The following CSMD3 variants were observed in gnomAD, a reference collection of about 807,000 sequenced individuals.
CSMD3 encodes the protein CUB and sushi domain-containing protein 3.
A neutral mutation model predicts 435.2 loss-of-function variants in CSMD3; 177 were observed. The observed-to-expected ratio is 0.41, with a 90% CI of 0.36 to 0.46. The LOEUF (loss-of-function observed/expected upper bound fraction) is 0.46. Among genes scored for constraint, CSMD3 ranks in the 20% least tolerant of loss-of-function variants. The pLI, the probability that CSMD3 is intolerant of heterozygous loss-of-function variation, is 0.34. For missense variants in CSMD3, 4,265 were observed against 4,504.6 expected, an observed-to-expected ratio of 0.95 and a Z score of 1.52; for synonymous variants, 1,656 against 1,520.5, an observed-to-expected ratio of 1.09 and a Z score of -2.07.
chr8:112,957,777 G>A (rs576305541), intron 7 of CSMD3, among the ~76,000 whole-genome samples: 1 of 151,690 alleles, frequency 6.6e-6, no homozygotes, highest in Non-Finnish European at 1.5e-5. Flanking sequence ...ACGGAGTCTC[G>A]CTCAGTCGCC....
chr8:113,203,537 G>C (rs934282569), intron 3 of CSMD3, among the ~76,000 whole-genome samples: 1 of 151,694 alleles, frequency 6.6e-6, no homozygotes, highest in African/African-American at 2.4e-5. Context: ...CTTCCAAAGT[G>C]TGTGAGTCAC....
chr8:112,353,427 T>C (rs951180811), intron 38 of CSMD3, among the ~76,000 whole-genome samples: 13 of 152,126 alleles, frequency 8.5e-5, no homozygotes, highest in African/African-American at 1.9e-4. Context: ...TGGTGTCTCA[T>C]TGAGACCTGA....
intron 13 of CSMD3, among the ~76,000 whole-genome samples, chr8:112,798,327 T>A (rs2078876353): frequency 6.6e-6 from 1 of 151,708 alleles, no homozygotes; most frequent in Non-Finnish European, 1.5e-5. Context: ...GAGGAAATGA[T>A]GTATGGAGAT....
chr8:112,812,843 C>G (rs2079265280), intron 12 of CSMD3, among the ~76,000 whole-genome samples: 1 of 151,946 alleles, frequency 6.6e-6, no homozygotes, highest in Non-Finnish European at 1.5e-5. Flanking sequence ...AGATAAAGTC[C>G]TAAATAGGTG....
intron 1 of CSMD3, among the ~76,000 whole-genome samples, chr8:113,332,006 G>T (rs2094031452): frequency 6.6e-6 from 1 of 151,676 alleles, no homozygotes; most frequent in Non-Finnish European, 1.5e-5. Context: ...CTGACGGCAG[G>T]ATCTTATATA....
chr8:112,815,135 G>A (rs911852413), intron 12 of CSMD3, among the ~76,000 whole-genome samples: 2 of 151,916 alleles, frequency 1.3e-5, no homozygotes, highest in Admixed American at 6.6e-5. Context: ...ACAGTAGAGT[G>A]ACAGTTCAGA....
rs559503489 is a variant in CSMD3 at position 112,404,200 on chromosome 8, A to AT, written c.5809+2323_5809+2324insA. ...ATGTCCTGATTTAAATGGTAAAAAA[A>AT]ATATATTTTACTTAAAGCAAATATA... On this transcript the variant is annotated intron_variant, in intron 35 of 70. Coordinates refer to ENST00000297405, the MANE Select transcript of CSMD3 (RefSeq NM_198123.2). Among the ~76,000 whole-genome samples, 220 of 152,274 alleles carry AT rather than the reference A, an allele frequency of 1.4e-3. 1 individual carries two copies. The highest frequency in any genetic ancestry group is 3.4e-3 in the Middle Eastern group (1 of 294).
intron 9 of CSMD3, among the ~76,000 whole-genome samples, chr8:112,942,442 G>A (rs991935374): frequency 6.6e-6 from 1 of 151,698 alleles, no homozygotes; most frequent in African/African-American, 2.4e-5. Flanking sequence ...ACTCACAATA[G>A]CAAAGACATG....
intron 10 of CSMD3, among the ~76,000 whole-genome samples, chr8:112,897,713 TG>T (rs2081992042): frequency 6.6e-6 from 1 of 150,508 alleles, no homozygotes; most frequent in Non-Finnish European, 1.5e-5. Context: ...TGTGTGTGTG[TG>T]TGTGTGTGTG....
At chr8:112,575,493 T>G (rs1242915952) in intron 23 of CSMD3, among the ~76,000 whole-genome samples, 1 of 152,078 alleles carries the variant, frequency 6.6e-6, no homozygotes, top group Non-Finnish European at 1.5e-5. Flanking sequence ...TTTTAAAAAA[T>G]GTACATTCAC....
chr8:113,295,756 A>G (rs2093716314), intron 2 of CSMD3, among the ~76,000 whole-genome samples: 1 of 152,174 alleles, frequency 6.6e-6, no homozygotes, highest in South Asian at 2.1e-4. Flanking sequence ...TCAGATATCT[A>G]GAACTAGAAA....
chr8:112,800,416 A>G lies in CSMD3; in HGVS notation c.1860-142T>C, dbSNP rs1484082076. On this transcript the variant is annotated intron_variant, in intron 12 of 70. Coordinates refer to ENST00000297405, the MANE Select transcript of CSMD3 (RefSeq NM_198123.2). ...ACATAGAGGAGTATGTGTTGATGTG[A>G]CAGAAGAAAAAACTACACAATTTAG... is the stretch of plus-strand genomic sequence containing the variant. 4.4e-6 allele frequency: 3 copies of G among 679,182 alleles called. No homozygotes were observed. In the East Asian group the frequency reaches 8.1e-5, roughly 18 times the overall value. The allele number at this position is 679,182 out of a possible 1,614,324, so 42.1% of individuals were successfully genotyped here.
intron 3 of CSMD3, among the ~76,000 whole-genome samples, chr8:113,194,788 C>A (rs986812277): frequency 6.6e-6 from 1 of 151,122 alleles, no homozygotes; most frequent in South Asian, 2.1e-4. Context: ...TTTTAATAGG[C>A]CTCCATAATC....
chr8:112,730,575 C>T (rs753066313), intron 13 of CSMD3, among the ~76,000 whole-genome samples: 1 of 151,962 alleles, frequency 6.6e-6, no homozygotes, highest in Non-Finnish European at 1.5e-5. Flanking sequence ...AAAAATCTTC[C>T]TAGCATTAAT....
At chr8:112,539,263 T>C (rs1826435174) in intron 27 of CSMD3, 1 of 152,516 alleles carries the variant, frequency 6.6e-6, no homozygotes, top group Non-Finnish European at 1.5e-5. Flanking sequence ...CTATCATTAA[T>C]CCGGGTGATT....
chr8:113,095,388 T>C (rs2090132986), intron 5 of CSMD3, among the ~76,000 whole-genome samples: 1 of 152,198 alleles, frequency 6.6e-6, no homozygotes, highest in Non-Finnish European at 1.5e-5. Flanking sequence ...TTATAGTAAT[T>C]GCCTATAATA....
intron 10 of CSMD3, among the ~76,000 whole-genome samples, chr8:112,906,744 A>G (rs2082274522): frequency 6.6e-6 from 1 of 151,500 alleles, no homozygotes; most frequent in African/African-American, 2.4e-5. Context: ...TATTCCAATA[A>G]CTTTAAAAAG....
chr8:112,736,809 C>G (rs991896152), intron 13 of CSMD3, among the ~76,000 whole-genome samples: 1 of 151,876 alleles, frequency 6.6e-6, no homozygotes, highest in African/African-American at 2.4e-5. Context: ...ATGAATCACT[C>G]AATCGATTAA....
chr8:113,155,800 A>G (rs764371690), intron 4 of CSMD3, among the ~76,000 whole-genome samples: 4 of 152,108 alleles, frequency 2.6e-5, no homozygotes, highest in Non-Finnish European at 5.9e-5. Context: ...TAATACAGAT[A>G]TATTCAGTAT....
Sources: allele counts gnomAD v4.1 joint callset (sites outside exome capture counted in the v4.1 genomes callset), GRCh38; gene constraint gnomAD v4.1.1; transcripts MANE v1.5; gene names NCBI Gene and HGNC (gene_info 2026-07-23, HGNC 2026-07-21).